Variants in CELF2 observed in about 807,000 individuals in gnomAD.
CELF2 encodes CUG triplet repeat RNA-binding protein 2.
In CELF2, 8 loss-of-function variants were observed where a neutral mutation model predicts 62.6. The ratio of observed to expected loss-of-function variants is 0.13; its 90% CI spans 0.07 to 0.23. The LOEUF is 0.23. Among genes scored for constraint, CELF2 ranks in the 10% least tolerant of loss-of-function variants. The probability of loss-of-function intolerance (pLI) is 1.00; values close to 1 mark genes in which losing one functional copy is unlikely to be tolerated. For missense variants in CELF2, 333 were observed against 671.0 expected (o/e 0.50, Z 5.56); for synonymous variants, 258 against 250.0 (o/e 1.03, Z -0.30).
At chr10:10,596,225 G>T in the CELF2 span, among the ~76,000 whole-genome samples, 1 of 149,132 alleles carries the variant, frequency 6.7e-6, no homozygotes, top group Non-Finnish European at 1.5e-5. Context: ...AAGACTTTTG[G>T]AATTTGAAAA....
chr10:10,561,950 T>A, the CELF2 span, among the ~76,000 whole-genome samples: 2 of 152,130 alleles, frequency 1.3e-5, no homozygotes, highest in Non-Finnish European at 2.9e-5. Context: ...CTTCATTTCT[T>A]CATAAGACTG....
At chr10:11,279,818 G>A (rs1469898190) in intron 8 of CELF2, among the ~76,000 whole-genome samples, 1 of 152,082 alleles carries the variant, frequency 6.6e-6, no homozygotes, top group African/African-American at 2.4e-5. Context: ...TTTTGAGAAG[G>A]ATATTTTTCC....
At chr10:10,542,170 C>T in the CELF2 span, among the ~76,000 whole-genome samples, 16 of 152,120 alleles carry the variant, frequency 1.1e-4, no homozygotes, top group African/African-American at 1.2e-4. Flanking sequence ...AATGCTTTGA[C>T]GGGTATCACG....
chr10:10,755,891 T>C, the CELF2 span, among the ~76,000 whole-genome samples: 1 of 152,152 alleles, frequency 6.6e-6, no homozygotes, highest in Non-Finnish European at 1.5e-5. Context: ...AAATTCCAAC[T>C]TGCCAAAAAT....
chr10:11,018,035 G>T lies in CELF2; in HGVS notation c.-55G>T. ...TGCCCGTCTCGCGCCGCCCGCGGCC[G>T]CTCGGACGCGCGCAGAGCCGCCCCC... is the stretch of plus-strand genomic sequence containing the variant. On this transcript the variant is annotated 5_prime_UTR_variant, in exon 1 of 13. Coordinates refer to ENST00000633077, the MANE Select transcript of CELF2 (RefSeq NM_001326342.2). The T allele has an allele frequency of 8.5e-7, 1 of 1,174,740 alleles. No individual in the cohort carries two copies. Among genetic ancestry groups the T allele is most frequent in the East Asian group, 5.3e-5 (1 of 18,910 alleles). 72.8% of individuals were successfully genotyped at this position (1,174,740 alleles called of 1,614,324 possible).
rs1565234140 is a variant in CELF2, at chr10:11,197,065, A to AG, written c.272-20359dup. On this transcript the variant is annotated intron_variant, in intron 2 of 12. Coordinates refer to ENST00000633077, the MANE Select transcript of CELF2 (RefSeq NM_001326342.2). ...AGAAAGAAAGAAAGAAAGAAAAGAA[A>AG]GAAAGGAAAGAAAGAAAGAAGAAAG... Among the ~76,000 whole-genome samples, 34 of 121,244 alleles carry AG rather than the reference A, an allele frequency of 2.8e-4. 2 individuals carry two copies. The highest frequency in any genetic ancestry group is 7.4e-4 in the African/African-American group (21 of 28,398). 79.5% of individuals were successfully genotyped at this position (121,244 alleles called of 152,430 possible). A position where few individuals can be genotyped will look rare whatever the true frequency, so the allele number is the denominator to read the frequency against.
chr10:10,966,332 C>G (rs1404929498), intron 2 of CELF2, among the ~76,000 whole-genome samples: 2 of 152,212 alleles, frequency 1.3e-5, no homozygotes, highest in African/African-American at 2.4e-5. Flanking sequence ...GAGTGTGGTA[C>G]AGTGGAGCTG....
chr10:11,031,624 A>T (rs1204119253), intron 1 of CELF2, among the ~76,000 whole-genome samples: 1 of 152,156 alleles, frequency 6.6e-6, no homozygotes, highest in Non-Finnish European at 1.5e-5. Context: ...ATGTGATTTG[A>T]GTGGAGTTTT....
At chr10:11,148,904 C>A (rs1046740681) in intron 1 of CELF2, among the ~76,000 whole-genome samples, 1 of 151,042 alleles carries the variant, frequency 6.6e-6, no homozygotes, top group African/African-American at 2.4e-5. Flanking sequence ...TCAGTAAAGG[C>A]CAGTTAGTGT....
At chr10:10,551,320 G>T in the CELF2 span, among the ~76,000 whole-genome samples, 4 of 152,096 alleles carry the variant, frequency 2.6e-5, no homozygotes, top group African/African-American at 9.7e-5. Context: ...GATCAGTGCA[G>T]CTCAACACTA....
intron 1 of CELF2, among the ~76,000 whole-genome samples, chr10:10,804,954 G>C (rs2055059679): frequency 2.0e-5 from 3 of 152,200 alleles, no homozygotes; most frequent in African/African-American, 4.8e-5. Flanking sequence ...AAGATGTATA[G>C]AGCCAGAAAA....
chr10:10,846,120 A>G (rs1362551562), intron 1 of CELF2: 2 of 985,104 alleles, frequency 2.0e-6, no homozygotes, highest in African/African-American at 3.5e-5. Flanking sequence ...GGAGTAAGCA[A>G]TTCCTTTGAC....
chr10:10,607,205 G>C, the CELF2 span, among the ~76,000 whole-genome samples: 5 of 152,058 alleles, frequency 3.3e-5, no homozygotes, highest in Admixed American at 3.3e-4. Context: ...CCAACCACTT[G>C]AAATGAATAA....
chr10:10,853,926 C>G (rs1413023711), intron 1 of CELF2, among the ~76,000 whole-genome samples: 4 of 152,124 alleles, frequency 2.6e-5, no homozygotes, highest in Non-Finnish European at 4.4e-5. Context: ...GTACGAAAGT[C>G]AAGGAGTGTG....
Position 11,217,331 on chromosome 10 carries a change from C to G in CELF2, c.272-94C>G. ...GCTTTATTATTTTTAAATTGTGCGT[C>G]CTTTTAAGTAGATTGTTTGTTCGCC... On this transcript the variant is annotated intron_variant, in intron 2 of 12. Coordinates refer to ENST00000633077, the MANE Select transcript of CELF2 (RefSeq NM_001326342.2). This position sits in a 1 kb window ranked among gnomAD's most constrained non-coding sequence, Gnocchi z 5.6. The G allele has an allele frequency of 1.3e-6, 1 of 759,452 alleles. No homozygotes were observed. The highest frequency in any genetic ancestry group is 2.2e-6 in the Non-Finnish European group (1 of 454,720). 47.0% of individuals were successfully genotyped at this position (759,452 alleles called of 1,614,324 possible).
chr10:11,054,632 T>C (rs2140201006), intron 1 of CELF2, among the ~76,000 whole-genome samples: 1 of 152,228 alleles, frequency 6.6e-6, no homozygotes, highest in Admixed American at 6.5e-5. Context: ...GTCTGTGGAT[T>C]GGCACTGACT....
the CELF2 span, among the ~76,000 whole-genome samples, chr10:10,607,687 G>A: frequency 3.3e-5 from 5 of 152,202 alleles, no homozygotes; most frequent in Non-Finnish European, 5.9e-5. Flanking sequence ...AAACTAGTGA[G>A]TGAATCATTT....
intron 1 of CELF2, among the ~76,000 whole-genome samples, chr10:11,125,430 G>A (rs2058514438): frequency 2.2e-5 from 3 of 138,506 alleles, no homozygotes; most frequent in African/African-American, 8.3e-5. Flanking sequence ...CAGGTTTAGG[G>A]TAGTAACTGG....
At chr10:11,018,913 AGCGTG>A (rs1480750096) in intron 1 of CELF2, 3 of 152,448 alleles carry the variant, frequency 2.0e-5, no homozygotes, top group Admixed American at 6.5e-5. Flanking sequence ...ATAATTATAA[AGCGTG>A]AAACTAGCCA....
Sources: gnomAD v4.1 joint callset for allele counts (sites outside exome capture counted in the v4.1 genomes callset) on GRCh38, gnomAD v4.1.1 for gene constraint, Gnocchi (gnomAD v3.1) non-coding constraint, MANE v1.5 for transcripts, NCBI Gene and HGNC (gene_info 2026-07-23, HGNC 2026-07-21) for gene names.